MTRF1: variants seen among roughly 807,000 people sequenced by gnomAD.
The protein encoded by MTRF1 is mitochondrial translation release factor 1.
Under a neutral mutation model 62.9 loss-of-function variants are expected in MTRF1, and 51 were observed. The ratio of observed to expected loss-of-function variants is 0.81; its 90% CI spans 0.65 to 1.02. MTRF1 has a LOEUF of 1.02. Ranked by LOEUF, MTRF1 falls within the 50% of genes least tolerant of loss-of-function variation. The pLI is 0.00. For missense variants in MTRF1, 446 were observed against 530.0 expected, an observed-to-expected ratio of 0.84 and a Z score of 1.56; for synonymous variants, 158 against 181.9, an observed-to-expected ratio of 0.87 and a Z score of 1.06.
chr13:41,285,123 T>A, the MTRF1 span, among the ~76,000 whole-genome samples: 9 of 152,360 alleles, frequency 5.9e-5, 1 homozygote, highest in African/African-American at 2.2e-4. Context: ...TTCTGAATCA[T>A]GAAGTTTTAC....
chr13:41,264,177 G>A (rs2040757035), upstream of MTRF1, among the ~76,000 whole-genome samples: 1 of 152,270 alleles, frequency 6.6e-6, no homozygotes, highest in East Asian at 1.9e-4. Flanking sequence ...CATTGCTTCA[G>A]AAAATACCTA....
the MTRF1 span, among the ~76,000 whole-genome samples, chr13:41,305,718 C>G: frequency 6.6e-6 from 1 of 152,188 alleles, no homozygotes; most frequent in Admixed American, 6.5e-5. Context: ...CCAGGATCTC[C>G]CAGCCAAACT....
At chr13:41,286,375 A>G in the MTRF1 span, among the ~76,000 whole-genome samples, 6 of 152,142 alleles carry the variant, frequency 3.9e-5, no homozygotes, top group African/African-American at 1.2e-4. Context: ...CTTGCTCAAA[A>G]CCAAGATAGA....
chr13:41,251,359 C>T (rs7988679), intron 5 of MTRF1, among the ~76,000 whole-genome samples: 108,835 of 152,040 alleles, frequency 0.72, 39,261 homozygotes, highest in African/African-American at 0.74. Flanking sequence ...AAATATATAT[C>T]TTATCAAATC....
chr13:41,256,529 G>T (rs1447080260), intron 2 of MTRF1, among the ~76,000 whole-genome samples: 1 of 152,038 alleles, frequency 6.6e-6, no homozygotes, highest in Non-Finnish European at 1.5e-5. Context: ...GTTTCACCAT[G>T]TTGGCAGGCT....
the MTRF1 span, among the ~76,000 whole-genome samples, chr13:41,285,937 G>A: frequency 6.6e-6 from 1 of 151,872 alleles, no homozygotes; most frequent in Non-Finnish European, 1.5e-5. Flanking sequence ...GGTGGCATGA[G>A]CCTGTAATCC....
chr13:41,261,132 G>A (rs540935508), intron 1 of MTRF1, among the ~76,000 whole-genome samples: 28 of 152,280 alleles, frequency 1.8e-4, no homozygotes, highest in African/African-American at 6.3e-4. Context: ...GCAGGAGTTC[G>A]AGACCAGCCC....
chr13:41,254,958 G>T (rs374771189), intron 2 of MTRF1, among the ~76,000 whole-genome samples: 15 of 151,858 alleles, frequency 9.9e-5, no homozygotes, highest in Non-Finnish European at 2.2e-4. Flanking sequence ...TACAAAGCTC[G>T]TTATTTGAAT....
chr13:41,247,325 T>A (rs2038399229), intron 5 of MTRF1, among the ~76,000 whole-genome samples: 1 of 152,204 alleles, frequency 6.6e-6, no homozygotes, highest in Non-Finnish European at 1.5e-5. Flanking sequence ...AGGTGTATTG[T>A]GGCCTTGCTG....
At chr13:41,254,233 T>C (rs575144631) in intron 3 of MTRF1, among the ~76,000 whole-genome samples, 2 of 152,336 alleles carry the variant, frequency 1.3e-5, no homozygotes, top group African/African-American at 2.4e-5. Flanking sequence ...TAAAATCCTC[T>C]GACTCTTCCC....
chr13:41,255,503 C>T (rs950493982), intron 2 of MTRF1, among the ~76,000 whole-genome samples: 4 of 152,172 alleles, frequency 2.6e-5, no homozygotes, highest in Non-Finnish European at 4.4e-5. Flanking sequence ...ACCAGCCTGG[C>T]CAAAGTGGTG....
chr13:41,247,944 A>G (rs1366595527), intron 5 of MTRF1, among the ~76,000 whole-genome samples: 1 of 152,190 alleles, frequency 6.6e-6, no homozygotes, highest in African/African-American at 2.4e-5. Context: ...TCACAGTGAC[A>G]TTTTTGAATG....
chr13:41,254,562 G>T lies in MTRF1; in HGVS notation c.474C>A (p.Thr158=). Residue 158 remains threonine (T), a synonymous_variant, in exon 3 of 10, where the codon ACC becomes ACA. Coordinates refer to ENST00000379480, the MANE Select transcript of MTRF1 (RefSeq NM_004294.4). ...LQELALEERQ[T]IDQKINMLYN... is the part of the protein sequence containing the mutation. ...ACAACATGTTGATTTTTTGATCAAT[G>T]GTTTGCCTTTCTTCCAGTGCAAGTT... The T allele has an allele frequency of 6.2e-7, 1 of 1,613,398 alleles. No individual in the cohort carries two copies. The highest frequency in any genetic ancestry group is 8.5e-7 in the Non-Finnish European group (1 of 1,179,718).
At chr13:41,309,115 C>T in the MTRF1 span, among the ~76,000 whole-genome samples, 6 of 152,016 alleles carry the variant, frequency 3.9e-5, no homozygotes, top group African/African-American at 1.4e-4. Context: ...TTATCCAGTC[C>T]ACCGATGGGC....
At chr13:41,280,502 A>G in the MTRF1 span, among the ~76,000 whole-genome samples, 1 of 152,190 alleles carries the variant, frequency 6.6e-6, no homozygotes, top group East Asian at 1.9e-4. Context: ...GGGCTGTGTC[A>G]CGGGCTGTGG....
rs578198476 is a variant in MTRF1, at chr13:41,252,590, C to T, written c.697+55G>A. On this transcript the variant is annotated intron_variant, in intron 5 of 9. Coordinates refer to ENST00000379480, the MANE Select transcript of MTRF1 (RefSeq NM_004294.4). ...GGGACAATATGGTTCTAATCAAGAT[C>T]AGAGGTAAAATAATTTTCAGTATCT... 3.9e-5 allele frequency: 52 copies of T among 1,340,444 alleles called. No homozygotes were observed. In the African/African-American group the frequency reaches 6.2e-4, roughly 16 times the overall value. The allele number at this position is 1,340,444 out of a possible 1,614,324, so 83.0% of individuals were successfully genotyped here. A position where few individuals can be genotyped will look rare whatever the true frequency, so the allele number is the denominator to read the frequency against.
the MTRF1 span, among the ~76,000 whole-genome samples, chr13:41,285,995 C>T: frequency 5.5e-5 from 8 of 144,636 alleles, no homozygotes; most frequent in Non-Finnish European, 1.0e-4. Context: ...ACCCAGGAGG[C>T]GGATGTTGCA....
the MTRF1 span, among the ~76,000 whole-genome samples, chr13:41,272,606 G>T: frequency 2.7e-4 from 41 of 152,204 alleles, no homozygotes; most frequent in African/African-American, 8.4e-4. Context: ...TAATGGTAAG[G>T]AGAAATTAAG....
chr13:41,311,984 G>T, the MTRF1 span, among the ~76,000 whole-genome samples: 1 of 152,206 alleles, frequency 6.6e-6, no homozygotes, highest in Non-Finnish European at 1.5e-5. Flanking sequence ...TAGGTGTTTT[G>T]CGTTCTGCAT....
Sources: gnomAD v4.1 joint callset for allele counts (sites outside exome capture counted in the v4.1 genomes callset) on GRCh38, gnomAD v4.1.1 for gene constraint, MANE v1.5 for transcripts, NCBI Gene and HGNC (gene_info 2026-07-23, HGNC 2026-07-21) for gene names.